STRADA: variants seen among roughly 807,000 people sequenced by gnomAD.
STRADA encodes STE20 related adaptor alpha.
A neutral mutation model predicts 55.0 loss-of-function variants in STRADA; 26 were observed. The ratio of observed to expected loss-of-function variants is 0.47; its 90% CI spans 0.35 to 0.66. The LOEUF (loss-of-function observed/expected upper bound fraction) is 0.66, where lower values mean the gene tolerates loss of function less well. STRADA is among the 30% of genes least tolerant of loss of function. The pLI, the probability that STRADA is intolerant of heterozygous loss-of-function variation, is 0.01. For missense variants in STRADA, 443 were observed against 549.7 expected (o/e 0.81, Z 1.94); for synonymous variants, 197 against 210.9 (o/e 0.93, Z 0.57).
At position 63,710,624 on chromosome 17, in the gene STRADA, A is replaced by T; in HGVS notation, c.458-10T>A. On this transcript the variant is annotated splice_polypyrimidine_tract_variant and intron_variant, in intron 7 of 12. Transcript: ENST00000336174. ...AGATCTTTTGCAGAACCTGCAGAAAAGGATTGCATGGAGGCAGTGAAAGGT... is the reference window on the plus strand; with the variant it reads ...AGATCTTTTGCAGAACCTGCAGAAATGGATTGCATGGAGGCAGTGAAAGGT... The T allele has an allele frequency of 1.2e-6, 2 of 1,614,116 alleles. No homozygotes were observed. Among genetic ancestry groups the T allele is most frequent in the South Asian group, 2.2e-5 (2 of 91,082 alleles).
At chr17:63,704,219 C>T (rs1374521634) in intron 11 of STRADA, 122 bp downstream of exon 11, 7 of 1,538,954 alleles carry the variant, frequency 4.5e-6, no homozygotes, top group Non-Finnish European at 6.1e-6. Flanking sequence ...GCTGATCCCT[C>T]CTGTGTGTAG....
intron 2 of STRADA, 134 bp downstream of exon 2, chr17:63,728,200 T>C: frequency 1.3e-6 from 1 of 763,162 alleles, no homozygotes; most frequent in Admixed American, 2.8e-5. Context: ...CTGCACTACC[T>C]GCCTTACTTC....
chr17:63,707,194 C>A, intron 9 of STRADA, 53 bp downstream of exon 9: 1 of 1,602,260 alleles, frequency 6.2e-7, no homozygotes. Context: ...CCTGAAGGCT[C>A]CCTTGGGAAT....
chr17:63,736,420 G>A (rs979915681), intron 1 of STRADA, among the ~76,000 whole-genome samples: 23 of 151,960 alleles, frequency 1.5e-4, no homozygotes, highest in African/African-American at 5.1e-4. Flanking sequence ...CTGAGGTCAG[G>A]AGTTTGAGAC....
intron 4 of STRADA, among the ~76,000 whole-genome samples, chr17:63,716,007 G>C (rs913256344): frequency 2.0e-5 from 3 of 151,904 alleles, no homozygotes; most frequent in Non-Finnish European, 4.4e-5. Context: ...TAGTGACAGA[G>C]CATATGAACA....
chr17:63,724,260 A>G (rs1212477653), intron 3 of STRADA, among the ~76,000 whole-genome samples: 2 of 151,606 alleles, frequency 1.3e-5, no homozygotes, highest in African/African-American at 2.4e-5. Flanking sequence ...CTCCTGCCTC[A>G]GCCTCCCAAG....
At chr17:63,722,860 G>T (rs2037404180) in intron 4 of STRADA, among the ~76,000 whole-genome samples, 1 of 152,022 alleles carries the variant, frequency 6.6e-6, no homozygotes, top group Non-Finnish European at 1.5e-5. Context: ...GTTTTTTAAG[G>T]TAAGAGATTT....
At chr17:63,724,819 TCTAA>T (rs879436806) in intron 3 of STRADA, among the ~76,000 whole-genome samples, 5 of 152,274 alleles carry the variant, frequency 3.3e-5, no homozygotes, top group African/African-American at 7.2e-5. Context: ...TTACTGTGCA[TCTAA>T]CTAATTCTTT....
rs372376128 is a variant in STRADA, at chr17:63,714,089, T to C, written c.143A>G (p.Glu48Gly). 3 of 1,613,626 alleles carry C rather than the reference T, an allele frequency of 1.9e-6. No homozygotes were observed. The highest frequency in any genetic ancestry group is 1.7e-5 in the Admixed American group (1 of 59,966). The change falls in exon 5 of 13, where the codon GAG (glutamate) becomes GGG (glycine). Residue 48 changes from glutamate (E) to glycine (G), a missense_variant. By Grantham distance (98) the Glu-to-Gly change is moderately conservative. Coordinates refer to ENST00000336174, the MANE Select transcript of STRADA (RefSeq NM_001003787.4). Reference sequence around the variant, plus strand: ...CTGTTTAGAGAAGGATGCTATTGACTCTGAGCTCGCATCATTGGTCTAAAA... The same window carrying C: ...CTGTTTAGAGAAGGATGCTATTGACCCTGAGCTCGCATCATTGGTCTAAAA... ...TRRKTNDASS[E>G]SIASFSKQEV... is the part of the protein sequence containing the mutation.
chr17:63,734,226 CTTTAT>C (rs1466635622), intron 1 of STRADA, among the ~76,000 whole-genome samples: 1 of 152,158 alleles, frequency 6.6e-6, no homozygotes, highest in Non-Finnish European at 1.5e-5. Context: ...CTTGAATAGC[CTTTAT>C]TTTATATCAA....
At chr17:63,736,206 G>A (rs926463231) in intron 1 of STRADA, among the ~76,000 whole-genome samples, 1 of 151,838 alleles carries the variant, frequency 6.6e-6, no homozygotes, top group Non-Finnish European at 1.5e-5. Flanking sequence ...CAAAGTGCTG[G>A]GATTACAGGC....
intron 4 of STRADA, among the ~76,000 whole-genome samples, chr17:63,720,667 G>A (rs1176211562): frequency 2.6e-5 from 4 of 151,956 alleles, no homozygotes; most frequent in Middle Eastern, 3.4e-3. Flanking sequence ...CCAGCTACTC[G>A]GGAGGCTGAG....
At chr17:63,737,686 G>A (rs886327588) in intron 1 of STRADA, among the ~76,000 whole-genome samples, 12 of 152,212 alleles carry the variant, frequency 7.9e-5, no homozygotes, top group African/African-American at 2.7e-4. Flanking sequence ...ACCAACAAGT[G>A]TAAAAATAGA....
chr17:63,739,404 C>T lies in STRADA; in HGVS notation c.-45+2337G>A, dbSNP rs539537464. ...TCATGTACAGATGAACTTGCCCAGG[C>T]TGGTCTCAAACTCCTGAACTCAAGC... On this transcript the variant is annotated intron_variant, in intron 1 of 12. Coordinates refer to ENST00000336174, the MANE Select transcript of STRADA (RefSeq NM_001003787.4). Among the ~76,000 whole-genome samples, 12 of 152,114 alleles carry T rather than the reference C, an allele frequency of 7.9e-5. No homozygotes were observed. In the South Asian group the frequency reaches 2.5e-3, roughly 32 times the overall value.
chr17:63,719,411 C>T (rs116328445), intron 4 of STRADA, among the ~76,000 whole-genome samples: 2,489 of 152,256 alleles, frequency 0.016, 60 homozygotes, highest in African/African-American at 0.057. Context: ...TGAAAGACAG[C>T]TGAGTCCTGA....
chr17:63,714,173 G>C lies in STRADA; in HGVS notation c.124-65C>G, dbSNP rs529812829. Reference sequence around the variant, plus strand: ...GGGGGTGGGATGGGAGTGGGGTGAAGGTGGTAATTCAGACCCACGAGGAGA... The same window carrying C: ...GGGGGTGGGATGGGAGTGGGGTGAACGTGGTAATTCAGACCCACGAGGAGA... On this transcript the variant is annotated intron_variant, in intron 4 of 12. Transcript: ENST00000336174. The C allele has an allele frequency of 3.1e-6, 4 of 1,274,676 alleles. No individual in the cohort carries two copies. In the South Asian group the frequency reaches 4.8e-5, roughly 15 times the overall value. 79.0% of individuals were successfully genotyped at this position (1,274,676 alleles called of 1,614,324 possible). A position where few individuals can be genotyped will look rare whatever the true frequency, so the allele number is the denominator to read the frequency against.
chr17:63,740,163 C>CAT lies in STRADA; in HGVS notation c.-45+1577_-45+1578insAT, dbSNP rs1351247083. Among the ~76,000 whole-genome samples, 437 of 126,974 alleles carry CAT rather than the reference C, an allele frequency of 3.4e-3. 37 individuals carry two copies. Among genetic ancestry groups the CAT allele is most frequent in the Non-Finnish European group, 4.8e-3 (288 of 59,900 alleles). 83.3% of individuals were successfully genotyped at this position (126,974 alleles called of 152,430 possible). ...ATATATATATACACACACACACACA[C>CAT]ACACACACACACACACACACAACAA... is the stretch of plus-strand genomic sequence containing the variant. On this transcript the variant is annotated intron_variant, in intron 1 of 12. Transcript: ENST00000336174.
intron 4 of STRADA, among the ~76,000 whole-genome samples, chr17:63,719,843 G>A (rs1193354196): frequency 6.6e-6 from 1 of 152,064 alleles, no homozygotes; most frequent in African/African-American, 2.4e-5. Context: ...AAGCTTATAA[G>A]ACATATTGTC....
At position 63,704,444 on chromosome 17, in the gene STRADA, G is replaced by C. The variant is rs761989598; in HGVS notation, c.997C>G (p.Arg333Gly). 6.2e-7 allele frequency: 1 copy of C among 1,611,400 alleles called. No individual in the cohort carries two copies. Among genetic ancestry groups the C allele is most frequent in the Admixed American group, 1.7e-5 (1 of 59,932 alleles). The change falls in exon 11 of 13, where the codon CGG becomes GGG. Residue 333 changes from arginine (R) to glycine (G), a missense_variant. Physicochemically the swap from Arg to Gly is moderately radical, Grantham distance 125 (BLOSUM62 -2). Transcript: ENST00000336174. Reference protein sequence around the residue: ...LSDSLTTSTPRPSNGDSPSHP... With the variant: ...LSDSLTTSTPGPSNGDSPSHP... ...GAGGGCGAGTCACCGTTGGAGGGCCGGGGGGTGCTGGTGGTCAGGCTGTCA... is the reference window on the plus strand; with the variant it reads ...GAGGGCGAGTCACCGTTGGAGGGCCCGGGGGTGCTGGTGGTCAGGCTGTCA...
Sources: gnomAD v4.1 joint callset for allele counts (sites outside exome capture counted in the v4.1 genomes callset) on GRCh38, gnomAD v4.1.1 for gene constraint, MANE v1.5 for transcripts, NCBI Gene and HGNC (gene_info 2026-07-23, HGNC 2026-07-21) for gene names.